UTP20: variants seen among roughly 807,000 people sequenced by gnomAD.
UTP20 encodes the protein small subunit processome component 20 homolog.
Under a neutral mutation model 329.5 loss-of-function variants are expected in UTP20, and 164 were observed. That is an observed-to-expected ratio of 0.50 (90% CI 0.44 to 0.57). The LOEUF is 0.57. UTP20 is among the 20% of genes least tolerant of loss of function. UTP20 has a pLI of 0.00. For synonymous variants in UTP20, 1,151 were observed against 1,159.3 expected (o/e 0.99, Z 0.14); for missense variants, 3,055 against 3,284.2 (o/e 0.93, Z 1.71).
Position 101,302,475 on chromosome 12 carries a change from TAAATACTCTACTAA to T in UTP20, c.1704_1717del (p.Asn569PhefsTer6). On this transcript the variant is annotated frameshift_variant, in exon 15 of 62. Transcript: ENST00000261637. LOFTEE classifies it high-confidence loss of function. ...AACTTATTTGTTCTTTGTCAAGCTGTAAATACTCTACTAAGTTTGGAAGAATCTTCTGAACTTCT... is the reference window on the plus strand; with the variant it reads ...AACTTATTTGTTCTTTGTCAAGCTGTGTTTGGAAGAATCTTCTGAACTTCT... 1 of 1,609,714 alleles carries T rather than the reference TAAATACTCTACTAA, an allele frequency of 6.2e-7. No homozygotes were observed. Among genetic ancestry groups the T allele is most frequent in the Non-Finnish European group, 8.5e-7 (1 of 1,178,924 alleles).
At chr12:101,289,599 AT>A (rs943712715) in intron 6 of UTP20, among the ~76,000 whole-genome samples, 4 of 152,030 alleles carry the variant, frequency 2.6e-5, no homozygotes, top group African/African-American at 7.3e-5. Flanking sequence ...TCACTATTGT[AT>A]TGTTATTTAG....
At chr12:101,294,218 G>T (rs968728940) in intron 11 of UTP20, among the ~76,000 whole-genome samples, 2 of 152,010 alleles carry the variant, frequency 1.3e-5, no homozygotes, top group African/African-American at 4.8e-5. Flanking sequence ...TGTATTTTTA[G>T]TGGAGATGGG....
intron 46 of UTP20, 61 bp from the exon 47 acceptor site, chr12:101,366,497 A>G (rs1870097972): frequency 6.4e-7 from 1 of 1,552,548 alleles, no homozygotes; most frequent in Non-Finnish European, 8.7e-7. Context: ...GGGCCACTCT[A>G]ACTTCTTGGA....
At chr12:101,331,174 C>G (rs1052770270) in intron 27 of UTP20, among the ~76,000 whole-genome samples, 1 of 152,066 alleles carries the variant, frequency 6.6e-6, no homozygotes, top group East Asian at 1.9e-4. Flanking sequence ...CAGGATTTTT[C>G]TCTAGTTTAT....
chr12:101,280,465 G>A (rs772142542), intron 1 of UTP20, 138 bp downstream of exon 1: 52 of 1,052,678 alleles, frequency 4.9e-5, no homozygotes, highest in Non-Finnish European at 6.9e-5. Flanking sequence ...GAAAGAGGGA[G>A]ACACTGGATG....
In UTP20 at chr12:101,366,597, C is replaced by G; in HGVS notation, c.6165C>G (p.Pro2055=). ...CAGCACCAGATCCACGTCTACCACC[C>G]CAGAGCTGCCTTCTGCTTCCCCCAA... ...VAPAPDPRLP[P]QSCLLLPPTP... is the part of the protein sequence containing the mutation. Residue 2055 remains proline, a synonymous_variant, in exon 47 of 62, where the codon CCC becomes CCG. Transcript: ENST00000261637. 6.2e-7 allele frequency: 1 copy of G among 1,614,160 alleles called. No individual in the cohort carries two copies. The highest frequency in any genetic ancestry group is 2.2e-5 in the East Asian group (1 of 44,874).
intron 10 of UTP20, 145 bp downstream of exon 10, chr12:101,292,249 G>A (rs1303300079): frequency 2.1e-6 from 2 of 952,304 alleles, no homozygotes; most frequent in East Asian, 2.7e-5. Flanking sequence ...ATTGCATGCA[G>A]TAATGTAAAT....
Position 101,327,117 on chromosome 12 carries a change from T to G in UTP20, c.3078T>G (p.Ser1026Arg). Residue 1026 changes from serine to arginine, a missense_variant, in exon 26 of 62, where the codon AGT (serine) becomes AGG (arginine). Transcript: ENST00000261637. ...LYGRMKNKTG[S>R]KTQGKSASGT... The stretch of plus-strand genomic sequence containing the variant: ...GGCGAATGAAGAATAAGACTGGGAG[T>G]AAAACTCAGGGGAAATCTGCTTCAG... 2.5e-6 allele frequency: 4 copies of G among 1,611,858 alleles called. No individual in the cohort carries two copies. Among genetic ancestry groups the G allele is most frequent in the Non-Finnish European group, 3.4e-6 (4 of 1,178,288 alleles).
chr12:101,293,835 CTGTT>C (rs938648932), intron 11 of UTP20, among the ~76,000 whole-genome samples: 1 of 152,148 alleles, frequency 6.6e-6, no homozygotes, highest in African/African-American at 2.4e-5. Flanking sequence ...TCATCTTGCT[CTGTT>C]TAACAACTGC....
chr12:101,335,225 A>C (rs1565796853), intron 29 of UTP20, among the ~76,000 whole-genome samples: 5 of 151,188 alleles, frequency 3.3e-5, no homozygotes, highest in Admixed American at 3.3e-4. Context: ...AGGTAAAATA[A>C]CATCTTGCAA....
chr12:101,372,630 A>G (rs992319502), intron 51 of UTP20, among the ~76,000 whole-genome samples: 4 of 152,238 alleles, frequency 2.6e-5, no homozygotes, highest in African/African-American at 9.6e-5. Flanking sequence ...GTCTTAAACC[A>G]CAGTGCCAGT....
intron 54 of UTP20, 105 bp downstream of exon 54, chr12:101,373,872 A>G (rs1037709184): frequency 6.3e-6 from 8 of 1,278,566 alleles, no homozygotes; most frequent in African/African-American, 6.1e-5. Context: ...TTTTTTCCCA[A>G]ATAGTGTTAT....
rs1593458289 is a variant in UTP20, at chr12:101,383,036, TAAAGG to T, written c.7657-4_7657del. 3.8e-6 allele frequency: 6 copies of T among 1,583,218 alleles called. No homozygotes were observed. The highest frequency in any genetic ancestry group is 2.7e-5 in the African/African-American group (2 of 73,072). On this transcript the variant is annotated splice_acceptor_variant and splice_polypyrimidine_tract_variant and coding_sequence_variant and intron_variant, in exon 59 of 62. Coordinates refer to ENST00000261637, the MANE Select transcript of UTP20 (RefSeq NM_014503.3). LOFTEE classifies it high-confidence loss of function. ...TTTCTTCCCCCACCCCGTTTTTTTT[TAAAGG>T]TTGTTAAGAATTTGTTGTTCGCAGC... is the stretch of plus-strand genomic sequence containing the variant.
rs759167711 is a variant in UTP20 at position 101,373,402 on chromosome 12, T to C, written c.6880T>C (p.Tyr2294His). ...NLEFMLAQLNYEHETGRESTL... is the reference protein window; with the variant it reads ...NLEFMLAQLNHEHETGRESTL... ...ATCCACCTAATGTCCTTCCCCTAGT[T>C]ACGAACATGAGACCGGGAGAGAGTC... Residue 2294 changes from tyrosine (Y) to histidine (H), a missense_variant and splice_region_variant, in exon 53 of 62, where the codon TAC (tyrosine) becomes CAC (histidine). Tyr to His is a moderately conservative substitution (Grantham distance 83). This residue lies in a region of UTP20 where 273 missense variants were observed against 363.1 expected (regional missense o/e 0.75). Coordinates refer to ENST00000261637, the MANE Select transcript of UTP20 (RefSeq NM_014503.3). 1.2e-6 allele frequency: 2 copies of C among 1,613,918 alleles called. No individual in the cohort carries two copies. Among genetic ancestry groups the C allele is most frequent in the East Asian group, 4.5e-5 (2 of 44,886 alleles).
In UTP20 at chr12:101,308,023, G is replaced by A. The variant is rs117374933; in HGVS notation, c.1996-162G>A. On this transcript the variant is annotated intron_variant, in intron 17 of 61. Transcript: ENST00000261637. ...TCTACCAAGAAGTAAATGGTATGGG[G>A]AGAAAAGAATCATTTACCAAAAAAA... is the stretch of plus-strand genomic sequence containing the variant. Among the ~76,000 whole-genome samples, 312 of 152,048 alleles carry A rather than the reference G, an allele frequency of 2.1e-3. 1 individual carries two copies. Among genetic ancestry groups the A allele is most frequent in the Non-Finnish European group, 3.3e-3 (225 of 67,990 alleles).
chr12:101,301,376 A>T (rs1872518764), intron 14 of UTP20, among the ~76,000 whole-genome samples: 1 of 151,980 alleles, frequency 6.6e-6, no homozygotes, highest in Non-Finnish European at 1.5e-5. Flanking sequence ...CTCTCTATTT[A>T]AAAAAATAAG....
chr12:101,330,161 G>A (rs1372489533), intron 27 of UTP20, among the ~76,000 whole-genome samples: 1 of 152,138 alleles, frequency 6.6e-6, no homozygotes, highest in Non-Finnish European at 1.5e-5. Flanking sequence ...AGTGATCAGT[G>A]TAGGGGTGGA....
intron 22 of UTP20, among the ~76,000 whole-genome samples, chr12:101,318,849 A>T: frequency 6.6e-6 from 1 of 151,362 alleles, no homozygotes; most frequent in Non-Finnish European, 1.5e-5. Flanking sequence ...AAAAAAAAAA[A>T]AGACCCAGGG....
Position 101,365,440 on chromosome 12 carries a change from A to G in UTP20, c.5959-19A>G, listed in dbSNP as rs548280270. The G allele has an allele frequency of 2.5e-6, 4 of 1,584,286 alleles. No homozygotes were observed. The highest frequency in any genetic ancestry group is 2.7e-5 in the African/African-American group (2 of 73,524). ...CATTTCTGTGTCATCTCAGCATGACATTTATGTTTTGCCTTTAGATCTTAC... is the reference window on the plus strand; with the variant it reads ...CATTTCTGTGTCATCTCAGCATGACGTTTATGTTTTGCCTTTAGATCTTAC... On this transcript the variant is annotated intron_variant, in intron 45 of 61. Coordinates refer to ENST00000261637, the MANE Select transcript of UTP20 (RefSeq NM_014503.3).
Sources: gnomAD v4.1 joint callset for allele counts (sites outside exome capture counted in the v4.1 genomes callset) on GRCh38, gnomAD v4.1.1 for gene constraint, gnomAD v4.1.1 regional missense constraint, MANE v1.5 for transcripts, NCBI Gene and HGNC (gene_info 2026-07-23, HGNC 2026-07-21) for gene names.